The following PLXNA4 variants were observed in gnomAD, a reference collection of about 807,000 sequenced individuals.
PLXNA4 encodes plexin A4.
PLXNA4 carries 44 observed loss-of-function variants against 191.8 expected under a neutral mutation model. That is an observed-to-expected ratio of 0.23 (90% CI 0.18 to 0.29). The LOEUF is 0.29. PLXNA4 is among the 10% of genes least tolerant of loss of function. The pLI is 1.00. For missense variants in PLXNA4, 1,800 were observed against 2,488.8 expected, an observed-to-expected ratio of 0.72 and a Z score of 5.89; for synonymous variants, 1,082 against 1,009.5, an observed-to-expected ratio of 1.07 and a Z score of -1.36.
At chr7:132,542,597 C>A (rs1800131048) in intron 1 of PLXNA4, among the ~76,000 whole-genome samples, 1 of 150,352 alleles carries the variant, frequency 6.7e-6, no homozygotes, top group South Asian at 2.1e-4. Context: ...AATACTTCTT[C>A]ATTTTTTTTC....
At chr7:132,215,673 G>T (rs774157408) in intron 9 of PLXNA4, among the ~76,000 whole-genome samples, 50 of 152,258 alleles carry the variant, frequency 3.3e-4, no homozygotes, top group Non-Finnish European at 6.8e-4. Flanking sequence ...TGGTGATTGA[G>T]TTCAACCATC....
At chr7:132,270,851 T>C (rs1800041949) in intron 4 of PLXNA4, among the ~76,000 whole-genome samples, 1 of 152,226 alleles carries the variant, frequency 6.6e-6, no homozygotes, top group African/African-American at 2.4e-5. Flanking sequence ...AATATAAAGC[T>C]AAAAGAGTAC....
At chr7:132,337,100 G>C (rs1272688351) in intron 3 of PLXNA4, among the ~76,000 whole-genome samples, 1 of 152,190 alleles carries the variant, frequency 6.6e-6, no homozygotes, top group African/African-American at 2.4e-5. Flanking sequence ...GCATAAAAGC[G>C]GTGGCAATGT....
At chr7:132,203,281 C>A (rs2116866335) in intron 11 of PLXNA4, 42 bp downstream of exon 11, 1 of 1,522,334 alleles carries the variant, frequency 6.6e-7, no homozygotes, top group Non-Finnish European at 9.1e-7. Flanking sequence ...TCTACCCCAT[C>A]CCTTCCCCTC....
chr7:132,140,012 CAT>C (rs1461714452), intron 30 of PLXNA4, among the ~76,000 whole-genome samples: 1 of 152,180 alleles, frequency 6.6e-6, no homozygotes, highest in African/African-American at 2.4e-5. Context: ...CCCTGCGGCT[CAT>C]AGGGGGACCT....
At chr7:132,514,260 C>T (rs1051331269) in intron 1 of PLXNA4, among the ~76,000 whole-genome samples, 13 of 150,928 alleles carry the variant, frequency 8.6e-5, no homozygotes, top group Non-Finnish European at 1.3e-4. Flanking sequence ...ACCATGTTAG[C>T]CAGGATGGTC....
At chr7:132,434,546 T>C (rs1395172041) in intron 3 of PLXNA4, among the ~76,000 whole-genome samples, 2 of 152,242 alleles carry the variant, frequency 1.3e-5, no homozygotes, top group Non-Finnish European at 2.9e-5. Context: ...TATCTTAAAG[T>C]AGATTCCTGA....
At chr7:132,542,701 T>C (rs1800135592) in intron 1 of PLXNA4, among the ~76,000 whole-genome samples, 1 of 152,206 alleles carries the variant, frequency 6.6e-6, no homozygotes, top group South Asian at 2.1e-4. Flanking sequence ...TATACTTCAT[T>C]TTGGATGATT....
chr7:132,227,362 T>C (rs1798361783), intron 7 of PLXNA4, 89 bp downstream of exon 7: 1 of 1,541,136 alleles, frequency 6.5e-7, no homozygotes. Flanking sequence ...TGCCTGCAGG[T>C]TGCTTTGATC....
chr7:132,561,399 TTCCTC>T (rs1801049839), intron 1 of PLXNA4, among the ~76,000 whole-genome samples: 3 of 73,946 alleles, frequency 4.1e-5, no homozygotes, highest in African/African-American at 5.6e-5. Context: ...CCTCCTCCTC[TTCCTC>T]CTCCTCCTCT....
intron 9 of PLXNA4, among the ~76,000 whole-genome samples, chr7:132,222,469 G>GC (rs375023845): frequency 6.6e-6 from 1 of 151,814 alleles, no homozygotes; most frequent in East Asian, 1.9e-4. Context: ...TGCCCCTCCT[G>GC]CCCCCCTCCC....
intron 4 of PLXNA4, among the ~76,000 whole-genome samples, chr7:132,279,453 A>G (rs987492696): frequency 2.0e-5 from 3 of 152,060 alleles, no homozygotes; most frequent in Non-Finnish European, 4.4e-5. Flanking sequence ...ACATAGTGAG[A>G]CCCTATTTCT....
intron 3 of PLXNA4, among the ~76,000 whole-genome samples, chr7:132,446,306 C>T (rs1427767142): frequency 6.6e-6 from 1 of 152,156 alleles, no homozygotes; most frequent in African/African-American, 2.4e-5. Context: ...CTTTTTGTCA[C>T]CTCACAGCCC....
chr7:132,173,593 C>T (rs1332810163), intron 21 of PLXNA4, among the ~76,000 whole-genome samples: 1 of 152,182 alleles, frequency 6.6e-6, no homozygotes, highest in Non-Finnish European at 1.5e-5. Flanking sequence ...TATGGAGAAA[C>T]GTGTGTGCCA....
chr7:132,125,614 T>TTTTG lies in PLXNA4; in HGVS notation c.*4861_*4864dup, dbSNP rs1794747263. The TTTTG allele has an allele frequency of 6.6e-6, 1 of 151,926 alleles. No homozygotes were observed. The highest frequency in any genetic ancestry group is 6.6e-5 in the Admixed American group (1 of 15,246). 9.4% of individuals were successfully genotyped at this position (151,926 alleles called of 1,614,324 possible). On this transcript the variant is annotated 3_prime_UTR_variant, in exon 32 of 32. Transcript: ENST00000321063. ...ATAAATGGCCCACAGTTTTGTTTTG[T>TTTTG]TTTGTTTTTTTTAAAGGAAGAGGCT...
intron 4 of PLXNA4, among the ~76,000 whole-genome samples, chr7:132,258,861 C>A (rs1799523249): frequency 6.6e-6 from 1 of 152,154 alleles, no homozygotes; most frequent in African/African-American, 2.4e-5. Flanking sequence ...CCACTCAATG[C>A]AGATATTTAT....
At chr7:132,150,522 A>G (rs1230924892) in intron 25 of PLXNA4, among the ~76,000 whole-genome samples, 1 of 151,976 alleles carries the variant, frequency 6.6e-6, no homozygotes, top group African/African-American at 2.4e-5. Flanking sequence ...GGGGCACAAC[A>G]AAAAAAAGGA....
In PLXNA4 at chr7:132,350,328, AC is replaced by A. The variant is rs1184476843; in HGVS notation, c.1372-52107del. 2.0e-5 allele frequency among the ~76,000 whole-genome samples: 3 copies of A among 152,076 alleles called. No individual in the cohort carries two copies. The East Asian group carries it at 5.8e-4, about 29-fold the overall frequency. ...AGACCAGCCTGGCCAACATGGTGAA[AC>A]CCTCATCTCTACTAAAAAATACAAA... On this transcript the variant is annotated intron_variant, in intron 3 of 31. Transcript: ENST00000321063.
At chr7:132,264,379 T>A (rs529663910) in intron 4 of PLXNA4, 1 of 152,092 alleles carries the variant, frequency 6.6e-6, no homozygotes, top group Non-Finnish European at 1.5e-5. Context: ...CTGTCTGGAG[T>A]GGGGCTTAGG....
Sources: allele counts gnomAD v4.1 joint callset (sites outside exome capture counted in the v4.1 genomes callset), GRCh38; gene constraint gnomAD v4.1.1; transcripts MANE v1.5; gene names NCBI Gene and HGNC (gene_info 2026-07-23, HGNC 2026-07-21).